SHISA9: variants seen among roughly 807,000 people sequenced by gnomAD.
SHISA9 encodes protein shisa-9.
SHISA9 carries 13 observed loss-of-function variants against 38.0 expected under a neutral mutation model. The observed-to-expected ratio is 0.34, with a 90% CI of 0.22 to 0.54. SHISA9 has a LOEUF of 0.54. Among genes scored for constraint, SHISA9 ranks in the 20% least tolerant of loss-of-function variants. The pLI, the probability that SHISA9 is intolerant of heterozygous loss-of-function variation, is 0.91. For missense variants in SHISA9, 538 were observed against 575.8 expected, an observed-to-expected ratio of 0.93 and a Z score of 0.67; for synonymous variants, 275 against 242.0, an observed-to-expected ratio of 1.14 and a Z score of -1.27.
intron 2 of SHISA9, among the ~76,000 whole-genome samples, chr16:12,982,405 T>TA (rs1397044738): frequency 6.6e-6 from 1 of 152,254 alleles, no homozygotes; most frequent in Non-Finnish European, 1.5e-5. Flanking sequence ...TGGACAGCAC[T>TA]ACACTAGAAT....
intron 2 of SHISA9, among the ~76,000 whole-genome samples, chr16:12,977,735 C>G (rs962773890): frequency 6.6e-6 from 1 of 151,992 alleles, no homozygotes; most frequent in African/African-American, 2.4e-5. Flanking sequence ...CCAAACACCG[C>G]ATGGTCTCAC....
the SHISA9 span, among the ~76,000 whole-genome samples, chr16:13,476,378 G>C: frequency 2.0e-4 from 31 of 152,160 alleles, no homozygotes; most frequent in Admixed American, 9.2e-4. Context: ...AGATGGATTT[G>C]AGACTAAGCT....
intron 2 of SHISA9, among the ~76,000 whole-genome samples, chr16:13,037,355 C>A (rs2073086689): frequency 6.7e-6 from 1 of 149,108 alleles, no homozygotes; most frequent in Non-Finnish European, 1.5e-5. Flanking sequence ...TGTCAGGAAG[C>A]TTTTTTTTTT....
chr16:13,478,392 C>G, the SHISA9 span, among the ~76,000 whole-genome samples: 9 of 152,330 alleles, frequency 5.9e-5, no homozygotes, highest in South Asian at 1.5e-3. Context: ...AGATCACACC[C>G]TAAGAACCAG....
the SHISA9 span, among the ~76,000 whole-genome samples, chr16:13,292,972 G>C: frequency 6.6e-6 from 1 of 152,134 alleles, no homozygotes; most frequent in East Asian, 1.9e-4. Context: ...GCAGATGGCT[G>C]CTCTCCATCA....
At chr16:13,163,154 C>T (rs1027597711) in intron 2 of SHISA9, among the ~76,000 whole-genome samples, 1 of 151,988 alleles carries the variant, frequency 6.6e-6, no homozygotes, top group Admixed American at 6.6e-5. Context: ...TGAAAGGATG[C>T]TAATAATGCT....
At chr16:13,183,750 C>T (rs1330544906) in intron 2 of SHISA9, among the ~76,000 whole-genome samples, 6 of 152,222 alleles carry the variant, frequency 3.9e-5, no homozygotes, top group Non-Finnish European at 2.9e-5. Flanking sequence ...ATGTTAATTA[C>T]ACTTACTTTA....
intron 2 of SHISA9, among the ~76,000 whole-genome samples, chr16:13,097,630 C>T (rs571402613): frequency 6.6e-6 from 1 of 152,132 alleles, no homozygotes; most frequent in African/African-American, 2.4e-5. Context: ...GCTTGAACTC[C>T]TGGCTTCAAG....
intron 1 of SHISA9, among the ~76,000 whole-genome samples, chr16:12,916,011 G>GGTTTTTT (rs774277866): frequency 1.0e-4 from 9 of 90,428 alleles, no homozygotes; most frequent in South Asian, 4.6e-4. Context: ...GTGTGTGTGT[G>GGTTTTTT]TTTTTTTTTT....
chr16:12,920,709 C>T (rs1356884873), intron 2 of SHISA9, among the ~76,000 whole-genome samples: 1 of 152,320 alleles, frequency 6.6e-6, no homozygotes, highest in East Asian at 1.9e-4. Flanking sequence ...CCACTCTCCC[C>T]AATATCAACA....
the SHISA9 span, among the ~76,000 whole-genome samples, chr16:13,355,199 C>G: frequency 2.9e-4 from 44 of 149,252 alleles, no homozygotes; most frequent in African/African-American, 1.1e-3. Context: ...GGTTTTAGGA[C>G]AGGTAAAATG....
chr16:13,217,608 A>C (rs959373995), intron 4 of SHISA9, among the ~76,000 whole-genome samples: 1 of 152,216 alleles, frequency 6.6e-6, no homozygotes, highest in Non-Finnish European at 1.5e-5. Flanking sequence ...TAGGTTTTGC[A>C]CAGGGCTTGG....
chr16:13,232,804 T>C (rs191314486), intron 4 of SHISA9, among the ~76,000 whole-genome samples: 268 of 152,308 alleles, frequency 1.8e-3, no homozygotes, highest in African/African-American at 6.0e-3. Flanking sequence ...CAGGTGAAGA[T>C]AAAAGATTGT....
At chr16:12,954,096 C>A (rs906370989) in intron 2 of SHISA9, among the ~76,000 whole-genome samples, 1 of 152,048 alleles carries the variant, frequency 6.6e-6, no homozygotes, top group Non-Finnish European at 1.5e-5. Flanking sequence ...GCAGAAGTGG[C>A]GAGATGATTT....
intron 2 of SHISA9, among the ~76,000 whole-genome samples, chr16:12,958,436 A>T (rs961964400): frequency 6.6e-6 from 1 of 152,226 alleles, no homozygotes; most frequent in Non-Finnish European, 1.5e-5. Flanking sequence ...TTCCCCCTGA[A>T]GCCCAAATCT....
chr16:13,366,999 AAAG>A, the SHISA9 span, among the ~76,000 whole-genome samples: 156 of 147,260 alleles, frequency 1.1e-3, no homozygotes, highest in African/African-American at 1.1e-3. Flanking sequence ...AAAAAAAAAA[AAAG>A]AAGAAGAATC....
rs147955727 is a variant in SHISA9, at chr16:13,175,322, G to A, written c.692-28072G>A. On this transcript the variant is annotated intron_variant, in intron 2 of 4. Transcript: ENST00000558583. Reference sequence around the variant, plus strand: ...GAGGATCGCTCAAGTCCAGGAGTTCGAGGCTGCAGTGAGCCATGGGCAACA... The same window carrying A: ...GAGGATCGCTCAAGTCCAGGAGTTCAAGGCTGCAGTGAGCCATGGGCAACA... 1.8e-3 allele frequency among the ~76,000 whole-genome samples: 278 copies of A among 152,330 alleles called. 9 individuals are homozygous for A. The East Asian group carries it at 0.04, about 22-fold the overall frequency.
At chr16:13,098,916 TG>T (rs550135296) in intron 2 of SHISA9, among the ~76,000 whole-genome samples, 2 of 152,220 alleles carry the variant, frequency 1.3e-5, no homozygotes, top group Non-Finnish European at 2.9e-5. Flanking sequence ...GGGCTGGTTG[TG>T]AAGAGTAAAT....
At chr16:13,096,250 A>G (rs1324536836) in intron 2 of SHISA9, among the ~76,000 whole-genome samples, 2 of 152,222 alleles carry the variant, frequency 1.3e-5, no homozygotes, top group Non-Finnish European at 2.9e-5. Flanking sequence ...CACAGAAGGT[A>G]GCTGGATTAT....
Sources: gnomAD v4.1 joint callset for allele counts (sites outside exome capture counted in the v4.1 genomes callset) on GRCh38, gnomAD v4.1.1 for gene constraint, MANE v1.5 for transcripts, NCBI Gene and HGNC (gene_info 2026-07-23, HGNC 2026-07-21) for gene names.